The following TPD52 variants were observed in gnomAD, a reference collection of about 807,000 sequenced individuals.
TPD52 encodes tumor protein D52, also known as prostate and colon associated protein.
In TPD52, 17 loss-of-function variants were observed where a neutral mutation model predicts 31.3. The ratio of observed to expected loss-of-function variants is 0.54; its 90% CI spans 0.37 to 0.82. The LOEUF is 0.82. Ranked by LOEUF, TPD52 falls within the 40% of genes least tolerant of loss-of-function variation. The pLI, the probability that TPD52 is intolerant of heterozygous loss-of-function variation, is 0.00. For synonymous variants in TPD52, 83 were observed against 89.6 expected (o/e 0.93, Z 0.42); for missense variants, 212 against 240.1 (o/e 0.88, Z 0.77).
At chr8:80,145,173 G>T (rs1810105887) in intron 1 of TPD52, among the ~76,000 whole-genome samples, 1 of 152,176 alleles carries the variant, frequency 6.6e-6, no homozygotes, top group Admixed American at 6.5e-5. Context: ...ACAGAAGTAG[G>T]TAAGAGATAT....
chr8:80,146,020 A>T (rs530147997), intron 1 of TPD52, among the ~76,000 whole-genome samples: 1 of 152,336 alleles, frequency 6.6e-6, no homozygotes, highest in South Asian at 2.1e-4. Context: ...ATTCCAAAAA[A>T]TTAAAAAGGG....
At chr8:80,146,293 A>G (rs2131170366) in intron 1 of TPD52, among the ~76,000 whole-genome samples, 1 of 152,366 alleles carries the variant, frequency 6.6e-6, no homozygotes, top group Admixed American at 6.5e-5. Context: ...TGCTAAGGGC[A>G]ATTCTTATTT....
intron 1 of TPD52, among the ~76,000 whole-genome samples, chr8:80,160,088 G>A (rs932430190): frequency 1.1e-4 from 16 of 152,106 alleles, no homozygotes; most frequent in African/African-American, 3.6e-4. Flanking sequence ...CTACTCAGGA[G>A]GCTTAGGTAG....
rs374005990 is a variant in TPD52, at chr8:80,133,216, T to C, written c.19+38209A>G. On this transcript the variant is annotated intron_variant, in intron 1 of 7. Coordinates refer to ENST00000518937, the MANE Select transcript of TPD52 (RefSeq NM_001025253.3). The stretch of plus-strand genomic sequence containing the variant: ...ACATTCAAAAGCACCAGTCTAATAA[T>C]GTGTGTTCCCTTTACCTTTACTCAA... Among the ~76,000 whole-genome samples the C allele has an allele frequency of 7.2e-5, 11 of 152,290 alleles. 1 individual carries two copies. Among genetic ancestry groups the C allele is most frequent in the Admixed American group, 3.3e-4 (5 of 15,300 alleles).
chr8:80,092,067 C>A (rs1209361132), intron 1 of TPD52, among the ~76,000 whole-genome samples: 2 of 152,094 alleles, frequency 1.3e-5, no homozygotes, highest in African/African-American at 4.8e-5. Context: ...TATGGGGGCA[C>A]AAATATGATA....
intron 1 of TPD52, among the ~76,000 whole-genome samples, chr8:80,101,448 CAAAAAAA>C (rs113660828): frequency 7.8e-5 from 9 of 114,720 alleles, no homozygotes; most frequent in African/African-American, 1.2e-4. Flanking sequence ...ACTCCCAGCT[CAAAAAAA>C]AAAAAAAAAA....
intron 1 of TPD52, among the ~76,000 whole-genome samples, chr8:80,157,442 C>T (rs571854617): frequency 1.7e-4 from 26 of 152,302 alleles, no homozygotes; most frequent in Admixed American, 4.6e-4. Context: ...ACTATAAAGT[C>T]ACCAGGAGAG....
At chr8:80,126,716 C>T (rs558251345) in intron 1 of TPD52, among the ~76,000 whole-genome samples, 1 of 152,170 alleles carries the variant, frequency 6.6e-6, no homozygotes, top group South Asian at 2.1e-4. Context: ...CTCCTGACAT[C>T]AAGTGATCCA....
chr8:80,124,544 T>TTACACA (rs973865147), intron 1 of TPD52, among the ~76,000 whole-genome samples: 4 of 152,176 alleles, frequency 2.6e-5, no homozygotes, highest in Non-Finnish European at 4.4e-5. Flanking sequence ...ATACGTACGT[T>TTACACA]TACACATACA....
chr8:80,144,579 TTAAA>T (rs1329343594), intron 1 of TPD52, among the ~76,000 whole-genome samples: 1 of 152,140 alleles, frequency 6.6e-6, no homozygotes, highest in Non-Finnish European at 1.5e-5. Flanking sequence ...TCCTCTTACA[TTAAA>T]TATTTATTAG....
rs983846154 is a variant in TPD52 at position 80,038,377 on chromosome 8, T to C, written c.505-142A>G. 1.4e-5 allele frequency: 12 copies of C among 857,636 alleles called. No homozygotes were observed. In the Admixed American group the frequency reaches 1.7e-4, roughly 12 times the overall value. 53.1% of individuals were successfully genotyped at this position (857,636 alleles called of 1,614,324 possible). On this transcript the variant is annotated intron_variant, in intron 7 of 7. Coordinates refer to ENST00000518937, the MANE Select transcript of TPD52 (RefSeq NM_001025253.3). ...GTGATTATTATATATGTATGGAATTTAGTATTGTTGCAATGTTCAGTGTGG... is the reference window on the plus strand; with the variant it reads ...GTGATTATTATATATGTATGGAATTCAGTATTGTTGCAATGTTCAGTGTGG...
At chr8:80,034,483 C>G (rs1439640978), downstream of TPD52, among the ~76,000 whole-genome samples, 1 of 152,208 alleles carries the variant, frequency 6.6e-6, no homozygotes, top group Non-Finnish European at 1.5e-5. Flanking sequence ...GGAGGGCCAC[C>G]ACCATCAACA....
intron 1 of TPD52, among the ~76,000 whole-genome samples, chr8:80,129,089 C>A (rs1808837403): frequency 6.6e-6 from 1 of 152,000 alleles, no homozygotes; most frequent in Non-Finnish European, 1.5e-5. Flanking sequence ...GGTGGATAAG[C>A]AAGATTCAAG....
At chr8:80,094,430 T>TTA (rs61266725) in intron 1 of TPD52, among the ~76,000 whole-genome samples, 579 of 53,398 alleles carry the variant, frequency 0.011, 17 homozygotes, top group Non-Finnish European at 0.018. Context: ...AAAGAAAATT[T>TTA]TATATATATA....
intron 1 of TPD52, among the ~76,000 whole-genome samples, chr8:80,104,779 G>A (rs944801842): frequency 4.0e-5 from 6 of 151,716 alleles, no homozygotes; most frequent in Admixed American, 3.9e-4. Flanking sequence ...ACATTTTTAG[G>A]CTGGGCGTGC....
At chr8:80,076,867 T>C (rs1814611405) in intron 1 of TPD52, among the ~76,000 whole-genome samples, 1 of 152,142 alleles carries the variant, frequency 6.6e-6, no homozygotes, top group Non-Finnish European at 1.5e-5. Flanking sequence ...AGATGGGGTT[T>C]CACCATGATG....
At chr8:80,128,357 A>G (rs1021784876) in intron 1 of TPD52, among the ~76,000 whole-genome samples, 1 of 152,036 alleles carries the variant, frequency 6.6e-6, no homozygotes, top group Non-Finnish European at 1.5e-5. Flanking sequence ...GAGTGAATAG[A>G]TAATAATTTA....
chr8:80,064,359 A>T, intron 2 of TPD52, 119 bp downstream of exon 2: 1 of 809,386 alleles, frequency 1.2e-6, no homozygotes, highest in Non-Finnish European at 2.0e-6. Context: ...GGAGAAGTAA[A>T]CACATATGCT....
At chr8:80,158,065 A>G (rs918394806) in intron 1 of TPD52, among the ~76,000 whole-genome samples, 4 of 152,210 alleles carry the variant, frequency 2.6e-5, no homozygotes, top group African/African-American at 9.7e-5. Context: ...TTTAATATCT[A>G]TAGTCTATTT....
Sources: gnomAD v4.1 joint callset for allele counts (sites outside exome capture counted in the v4.1 genomes callset) on GRCh38, gnomAD v4.1.1 for gene constraint, MANE v1.5 for transcripts, NCBI Gene and HGNC (gene_info 2026-07-23, HGNC 2026-07-21) for gene names.